GTF2A2: variants seen among roughly 807,000 people sequenced by gnomAD.
GTF2A2 encodes general transcription factor IIA subunit 2.
In GTF2A2, 9 loss-of-function variants were observed where a neutral mutation model predicts 14.3. The ratio of observed to expected loss-of-function variants is 0.63; its 90% CI spans 0.38 to 1.10. GTF2A2 has a LOEUF of 1.10. GTF2A2 is among the 50% of genes least tolerant of loss of function. The pLI is 0.01. For missense variants in GTF2A2, 90 were observed against 124.6 expected (o/e 0.72, Z 1.32); for synonymous variants, 56 against 46.0 (o/e 1.22, Z -0.88).
At chr15:59,641,772 G>C (rs1891436636) in intron 4 of GTF2A2, among the ~76,000 whole-genome samples, 1 of 152,028 alleles carries the variant, frequency 6.6e-6, no homozygotes, top group Non-Finnish European at 1.5e-5. Context: ...TTAAATATAT[G>C]GGTCTCCAGC....
intron 3 of GTF2A2, among the ~76,000 whole-genome samples, chr15:59,650,258 A>T (rs1008526586): frequency 7.9e-5 from 12 of 152,234 alleles, no homozygotes; most frequent in African/African-American, 2.2e-4. Flanking sequence ...GAGGGAGGCA[A>T]CATGAAGTTT....
chr15:59,652,372 T>C, intron 1 of GTF2A2, 46 bp from the exon 2 acceptor site: 2 of 673,044 alleles, frequency 3.0e-6, no homozygotes, highest in Non-Finnish European at 5.1e-6. Flanking sequence ...TACTGTAACA[T>C]CATAAATTAT....
intron 1 of GTF2A2, among the ~76,000 whole-genome samples, chr15:59,653,232 A>T (rs1425724824): frequency 2.6e-5 from 4 of 152,158 alleles, no homozygotes; most frequent in African/African-American, 9.7e-5. Flanking sequence ...GGGCTCGAAA[A>T]GGGTGGCAGC....
chr15:59,656,491 C>G (rs866509991), intron 1 of GTF2A2, among the ~76,000 whole-genome samples: 2 of 151,332 alleles, frequency 1.3e-5, no homozygotes, highest in Non-Finnish European at 2.9e-5. Context: ...TCTGCATCCT[C>G]TAATAGAATG....
Position 59,652,193 on chromosome 15 carries a change from T to C in GTF2A2, c.72+13A>G. 1 of 1,473,700 alleles carries C rather than the reference T, an allele frequency of 6.8e-7. No individual in the cohort carries two copies. The highest frequency in any genetic ancestry group is 9.4e-7 in the Non-Finnish European group (1 of 1,061,586). The allele number at this position is 1,473,700 out of a possible 1,614,324, so 91.3% of individuals were successfully genotyped here. On this transcript the variant is annotated intron_variant, in intron 2 of 4. Coordinates refer to ENST00000396060, the MANE Select transcript of GTF2A2 (RefSeq NM_004492.3). ...CAAGATAAAAATGTTTGATTTTTAA[T>C]TCAGTCTCCCACCTGTATGAGCTCA...
chr15:59,653,309 G>A lies in GTF2A2; in HGVS notation c.-49-983C>T, dbSNP rs534161175. On this transcript the variant is annotated intron_variant, in intron 1 of 4. Transcript: ENST00000396060. ...TCAGGTGTAAGATCTTGACCTCATG[G>A]CCCTTTCAGTCTGGAGATGGATGGG... 2.0e-5 allele frequency among the ~76,000 whole-genome samples: 3 copies of A among 152,218 alleles called. No homozygotes were observed. The East Asian group carries it at 5.8e-4, about 29-fold the overall frequency.
intron 1 of GTF2A2, among the ~76,000 whole-genome samples, chr15:59,653,177 G>C (rs1306324914): frequency 6.6e-6 from 1 of 152,152 alleles, no homozygotes; most frequent in African/African-American, 2.4e-5. Context: ...GGAAAGGTCA[G>C]ACAGCTGGGC....
intron 3 of GTF2A2, among the ~76,000 whole-genome samples, chr15:59,644,147 G>C (rs1441195084): frequency 5.3e-5 from 8 of 151,928 alleles, no homozygotes; most frequent in Non-Finnish European, 1.2e-4. Flanking sequence ...TGCCCACCTC[G>C]GCCTCCCAAA....
intron 4 of GTF2A2, among the ~76,000 whole-genome samples, chr15:59,640,549 C>CCCATACCCACATTT (rs1891380344): frequency 6.6e-6 from 1 of 152,112 alleles, no homozygotes; most frequent in African/African-American, 2.4e-5. Context: ...TCCTCAGCTG[C>CCCATACCCACATTT]CCATACCCAC....
chr15:59,649,904 A>T (rs1566932522), intron 3 of GTF2A2, among the ~76,000 whole-genome samples: 2 of 152,218 alleles, frequency 1.3e-5, no homozygotes, highest in Non-Finnish European at 2.9e-5. Flanking sequence ...TAATGATCAA[A>T]TTTTGGTTGT....
At chr15:59,653,146 G>C (rs1891844082) in intron 1 of GTF2A2, among the ~76,000 whole-genome samples, 1 of 152,104 alleles carries the variant, frequency 6.6e-6, no homozygotes, top group African/African-American at 2.4e-5. Flanking sequence ...GCAGTGGGGA[G>C]TCACTGAAGA....
intron 3 of GTF2A2, among the ~76,000 whole-genome samples, chr15:59,649,904 AT>A (rs2141964389): frequency 6.6e-6 from 1 of 152,336 alleles, no homozygotes; most frequent in Admixed American, 6.5e-5. Flanking sequence ...TAATGATCAA[AT>A]TTTGGTTGTA....
chr15:59,646,920 T>G (rs1360381146), intron 3 of GTF2A2, among the ~76,000 whole-genome samples: 2 of 151,550 alleles, frequency 1.3e-5, no homozygotes, highest in Non-Finnish European at 2.9e-5. Flanking sequence ...AATATCTTGC[T>G]TTTTCACTGA....
At chr15:59,648,401 C>CAAAAAAAAAAAA (rs71425875) in intron 3 of GTF2A2, among the ~76,000 whole-genome samples, 5 of 90,566 alleles carry the variant, frequency 5.5e-5, no homozygotes, top group Non-Finnish European at 8.2e-5. Flanking sequence ...GACTTCGTCT[C>CAAAAAAAAAAAA]AAAAAAAAAA....
chr15:59,642,396 A>G, intron 3 of GTF2A2, 134 bp from the exon 4 acceptor site: 1 of 685,180 alleles, frequency 1.5e-6, no homozygotes, highest in Admixed American at 3.6e-5. Flanking sequence ...CCTTAACTTT[A>G]ATCCTAGCTA....
At chr15:59,646,708 T>C (rs745347173) in intron 3 of GTF2A2, among the ~76,000 whole-genome samples, 42 of 152,184 alleles carry the variant, frequency 2.8e-4, no homozygotes, top group Non-Finnish European at 5.4e-4. Flanking sequence ...CTGAAAGATA[T>C]TAAAGTATAT....
chr15:59,639,214 C>CAATTAACTATTTTAAGA (rs1891299102), intron 4 of GTF2A2, 57 bp from the exon 5 acceptor site: 13 of 1,054,506 alleles, frequency 1.2e-5, no homozygotes, highest in Non-Finnish European at 1.6e-5. Context: ...TTTAATTTTA[C>CAATTAACTATTTTAAGA]AATTAACTAT....
At chr15:59,650,803 T>C (rs764130751) in intron 2 of GTF2A2, 30 bp from the exon 3 acceptor site, 1 of 1,144,522 alleles carries the variant, frequency 8.7e-7, no homozygotes, top group South Asian at 1.3e-5. Context: ...ATAAATCCCG[T>C]TAAGGAAGAA....
In GTF2A2 at chr15:59,654,195, T is replaced by C. The variant is rs184760836; in HGVS notation, c.-49-1869A>G. On this transcript the variant is annotated intron_variant, in intron 1 of 4. Transcript: ENST00000396060. ...ATCTCAGTGAAAACCACAGAGTCCA[T>C]GGCTTGGAAGGCCTATGTGATTTGG... 3.0e-4 allele frequency among the ~76,000 whole-genome samples: 45 copies of C among 152,290 alleles called. 2 individuals are homozygous for C. The East Asian group carries it at 7.3e-3, about 25-fold the overall frequency.
Sources: allele counts gnomAD v4.1 joint callset (sites outside exome capture counted in the v4.1 genomes callset), GRCh38; gene constraint gnomAD v4.1.1; transcripts MANE v1.5; gene names NCBI Gene and HGNC (gene_info 2026-07-23, HGNC 2026-07-21).